PPIC: variants seen among roughly 807,000 people sequenced by gnomAD.
PPIC encodes peptidylprolyl isomerase C.
In PPIC, 19 loss-of-function variants were observed where a neutral mutation model predicts 19.5. The observed-to-expected ratio is 0.98, with a 90% CI of 0.68 to 1.43. The LOEUF (loss-of-function observed/expected upper bound fraction) is 1.43. Among genes scored for constraint, PPIC ranks in the 40% most tolerant of loss-of-function variants. The pLI is 0.00. For missense variants in PPIC, 268 were observed against 268.6 expected (o/e 1.00, Z 0.02); for synonymous variants, 107 against 101.2 (o/e 1.06, Z -0.34).
intron 3 of PPIC, among the ~76,000 whole-genome samples, chr5:123,027,425 A>C (rs759929017): frequency 2.0e-5 from 3 of 152,212 alleles, no homozygotes; most frequent in Non-Finnish European, 4.4e-5. Flanking sequence ...GGCAGAGTGA[A>C]GCTCAGTCAC....
At position 123,036,115 on chromosome 5, in the gene PPIC, C is replaced by A. The variant is rs146771672; in HGVS notation, c.117+394G>T. ...GCCTCTCCTGTGCGGGTCCCGCCCC[C>A]CTCCCCGCATTCCTCTCGTTCTGCT... On this transcript the variant is annotated intron_variant, in intron 1 of 4. Transcript: ENST00000306442. This position sits in a 1 kb window ranked among gnomAD's most constrained non-coding sequence, Gnocchi z 4.5. Among the ~76,000 whole-genome samples the A allele has an allele frequency of 0.011, 1,674 of 152,236 alleles. 14 individuals are homozygous for A. The highest frequency in any genetic ancestry group is 0.051 in the Middle Eastern group (15 of 294).
chr5:123,027,427 C>T (rs941496529), intron 3 of PPIC, among the ~76,000 whole-genome samples: 7 of 152,290 alleles, frequency 4.6e-5, no homozygotes, highest in Admixed American at 2.0e-4. Context: ...CAGAGTGAAG[C>T]TCAGTCACCA....
intron 1 of PPIC, among the ~76,000 whole-genome samples, chr5:123,033,638 TA>T (rs1006097295): frequency 1.3e-5 from 2 of 152,204 alleles, no homozygotes; most frequent in African/African-American, 4.8e-5. Flanking sequence ...TATAGCAACA[TA>T]AATGGACTAA....
At chr5:123,034,245 T>G (rs917439361) in intron 1 of PPIC, among the ~76,000 whole-genome samples, 1 of 152,224 alleles carries the variant, frequency 6.6e-6, no homozygotes, top group Non-Finnish European at 1.5e-5. Flanking sequence ...CATGAAAAAG[T>G]AATTTAACAG....
At chr5:123,032,467 AG>A (rs1289172810) in intron 1 of PPIC, among the ~76,000 whole-genome samples, 1 of 152,168 alleles carries the variant, frequency 6.6e-6, no homozygotes, top group Non-Finnish European at 1.5e-5. Flanking sequence ...GGTCAGCAGG[AG>A]GAGGCAGTCA....
chr5:123,030,376 G>A (rs572456072), intron 1 of PPIC, among the ~76,000 whole-genome samples: 57 of 152,288 alleles, frequency 3.7e-4, no homozygotes, highest in South Asian at 2.9e-3. Flanking sequence ...TTCTATTAGC[G>A]CGTTTAGATT....
chr5:123,026,752 C>T (rs1044590054), intron 3 of PPIC, among the ~76,000 whole-genome samples: 11 of 152,162 alleles, frequency 7.2e-5, no homozygotes, highest in African/African-American at 1.7e-4. Flanking sequence ...TCTAGCAAAG[C>T]GGCAGGCAGA....
At chr5:123,027,278 G>A (rs1762873798) in intron 3 of PPIC, among the ~76,000 whole-genome samples, 1 of 152,134 alleles carries the variant, frequency 6.6e-6, no homozygotes, top group African/African-American at 2.4e-5. Flanking sequence ...TGGCCTTGTA[G>A]GAGAGTGCTC....
intron 3 of PPIC, among the ~76,000 whole-genome samples, chr5:123,026,788 T>C (rs1465040749): frequency 6.6e-6 from 1 of 152,122 alleles, no homozygotes; most frequent in Non-Finnish European, 1.5e-5. Flanking sequence ...CCACAGACCA[T>C]AAGAAGGATC....
intron 4 of PPIC, 106 bp from the exon 5 acceptor site, chr5:123,024,109 G>C: frequency 7.7e-7 from 1 of 1,304,722 alleles, no homozygotes; most frequent in Non-Finnish European, 1.0e-6. Context: ...AAGGAAATAA[G>C]GTTGGTTGGT....
At chr5:123,034,502 C>G (rs1762979669) in intron 1 of PPIC, among the ~76,000 whole-genome samples, 3 of 152,132 alleles carry the variant, frequency 2.0e-5, no homozygotes, top group Admixed American at 2.0e-4. Context: ...GCCTGCACAT[C>G]AGAATCACCA....
At position 123,023,772 on chromosome 5, in the gene PPIC, TAA is replaced by T; in HGVS notation, c.*101_*102del. The T allele has an allele frequency of 6.8e-4, 688 of 1,007,432 alleles. No individual in the cohort carries two copies. Among genetic ancestry groups the T allele is most frequent in the East Asian group, 1.4e-3 (41 of 29,818 alleles). 62.4% of individuals were successfully genotyped at this position (1,007,432 alleles called of 1,614,324 possible). A position where few individuals can be genotyped will look rare whatever the true frequency, so the allele number is the denominator to read the frequency against. ...TCTGGGATAGAATACAAAAAGAAAG[TAA>T]AAAAAAAAAAGCAAATAATTGAAAG... On this transcript the variant is annotated 3_prime_UTR_variant, in exon 5 of 5. Coordinates refer to ENST00000306442, the MANE Select transcript of PPIC (RefSeq NM_000943.5).
chr5:123,028,706 G>C lies in PPIC; in HGVS notation c.325+69C>G, dbSNP rs1008921481. The C allele has an allele frequency of 4.8e-6, 6 of 1,252,250 alleles. No individual in the cohort carries two copies. The Admixed American group carries it at 9.8e-5, about 20-fold the overall frequency. The allele number at this position is 1,252,250 out of a possible 1,614,324, so 77.6% of individuals were successfully genotyped here. A position where few individuals can be genotyped will look rare whatever the true frequency, so the allele number is the denominator to read the frequency against. ...CTTAGCTCTGGATTTCAACAGACTG[G>C]GTTCATATACTGGCTTAACCTTAGA... On this transcript the variant is annotated intron_variant, in intron 3 of 4. Coordinates refer to ENST00000306442, the MANE Select transcript of PPIC (RefSeq NM_000943.5).
Position 123,028,735 on chromosome 5 carries a change from C to T in PPIC, c.325+40G>A, listed in dbSNP as rs139449409. 9.7e-5 allele frequency: 147 copies of T among 1,515,358 alleles called. No individual in the cohort carries two copies. In the East Asian group the frequency reaches 1.9e-3, roughly 20 times the overall value. The allele number at this position is 1,515,358 out of a possible 1,614,324, so 93.9% of individuals were successfully genotyped here. ...CATATACTGGCTTAACCTTAGATTT[C>T]GGTTTGGTAAATGGGAAAGGAAAAA... On this transcript the variant is annotated intron_variant, in intron 3 of 4. Coordinates refer to ENST00000306442, the MANE Select transcript of PPIC (RefSeq NM_000943.5).
At chr5:123,032,634 C>G (rs1159527991) in intron 1 of PPIC, among the ~76,000 whole-genome samples, 2 of 152,166 alleles carry the variant, frequency 1.3e-5, no homozygotes, top group African/African-American at 4.8e-5. Flanking sequence ...CCTCTGGGAA[C>G]AAAACCCAGT....
intron 1 of PPIC, among the ~76,000 whole-genome samples, chr5:123,035,695 A>G (rs1465792815): frequency 6.6e-6 from 1 of 152,260 alleles, no homozygotes; most frequent in East Asian, 1.9e-4. Context: ...AGTGGTGATC[A>G]TGGGCACCAA....
intron 1 of PPIC, among the ~76,000 whole-genome samples, chr5:123,033,830 GGA>G (rs1762970978): frequency 6.6e-6 from 1 of 152,258 alleles, no homozygotes; most frequent in Admixed American, 6.5e-5. Context: ...GTGTGCAGCT[GGA>G]AGGATGGTGG....
chr5:123,025,869 T>TTGG lies in PPIC; in HGVS notation c.422_424dup (p.Thr141dup), dbSNP rs1762844880. The TTGG allele has an allele frequency of 6.2e-7, 1 of 1,614,102 alleles. No homozygotes were observed. ...CAAGGTGATAAAGAACTGAGAGCCA[T>TTGG]TGGTGTCAGGCCCAGCGTTGGCCAT... On this transcript the variant is annotated inframe_insertion, in exon 4 of 5. Coordinates refer to ENST00000306442, the MANE Select transcript of PPIC (RefSeq NM_000943.5).
chr5:123,031,096 A>T (rs1022018037), intron 1 of PPIC, among the ~76,000 whole-genome samples: 1 of 152,202 alleles, frequency 6.6e-6, no homozygotes, highest in Non-Finnish European at 1.5e-5. Flanking sequence ...AAATTGAAAT[A>T]TCCTTCAGCT....
Sources: allele counts gnomAD v4.1 joint callset (sites outside exome capture counted in the v4.1 genomes callset), GRCh38; gene constraint gnomAD v4.1.1; non-coding constraint Gnocchi (gnomAD v3.1); transcripts MANE v1.5; gene names NCBI Gene and HGNC (gene_info 2026-07-23, HGNC 2026-07-21).